MTUS2: variants seen among roughly 807,000 people sequenced by gnomAD.
MTUS2 encodes microtubule-associated tumor suppressor candidate 2.
Under a neutral mutation model 114.1 loss-of-function variants are expected in MTUS2, and 40 were observed. That is an observed-to-expected ratio of 0.35 (90% CI 0.27 to 0.46). MTUS2 has a LOEUF of 0.46. Among genes scored for constraint, MTUS2 ranks in the 20% least tolerant of loss-of-function variants. MTUS2 has a pLI of 1.00. For synonymous variants in MTUS2, 688 were observed against 672.0 expected (o/e 1.02, Z -0.37); for missense variants, 1,679 against 1,705.4 (o/e 0.98, Z 0.27).
At chr13:29,060,777 C>T in intron 4 of MTUS2, among the ~76,000 whole-genome samples, 1 of 149,932 alleles carries the variant, frequency 6.7e-6, no homozygotes, top group South Asian at 2.1e-4. Flanking sequence ...TATCCCCTTT[C>T]ACTCCTTTCA....
chr13:29,268,646 C>T (rs1018459083), intron 5 of MTUS2, among the ~76,000 whole-genome samples: 4 of 152,156 alleles, frequency 2.6e-5, no homozygotes, highest in Non-Finnish European at 5.9e-5. Context: ...GTCACAACAT[C>T]TACCCCACAC....
chr13:29,422,696 C>T (rs1279213080), intron 8 of MTUS2, among the ~76,000 whole-genome samples: 2 of 99,898 alleles, frequency 2.0e-5, no homozygotes, highest in African/African-American at 7.8e-5. Flanking sequence ...GGCCCTGTTT[C>T]TCTGTTGCCT....
At chr13:29,035,008 A>T (rs1005252466) in intron 4 of MTUS2, among the ~76,000 whole-genome samples, 1 of 152,268 alleles carries the variant, frequency 6.6e-6, no homozygotes, top group South Asian at 2.1e-4. Context: ...GCAACAGTCA[A>T]GGTTTTAAGA....
intron 2 of MTUS2, among the ~76,000 whole-genome samples, chr13:28,979,521 GT>G (rs906486562): frequency 2.6e-5 from 4 of 151,628 alleles, no homozygotes; most frequent in East Asian, 1.9e-4. Flanking sequence ...ACAACCCTTT[GT>G]TTTTTTTCTA....
At chr13:29,136,403 T>A (rs1279296113) in intron 5 of MTUS2, among the ~76,000 whole-genome samples, 3 of 152,202 alleles carry the variant, frequency 2.0e-5, no homozygotes, top group Non-Finnish European at 4.4e-5. Context: ...AGATGACAAG[T>A]GGCTGGTGGC....
intron 5 of MTUS2, among the ~76,000 whole-genome samples, chr13:29,132,983 CA>C (rs1395369435): frequency 6.6e-6 from 1 of 151,178 alleles, no homozygotes; most frequent in Non-Finnish European, 1.5e-5. Flanking sequence ...CACAAGTGCA[CA>C]AGGGTTCCAG....
intron 2 of MTUS2, among the ~76,000 whole-genome samples, chr13:28,977,713 G>C (rs1478823387): frequency 6.6e-6 from 1 of 152,040 alleles, no homozygotes; most frequent in Non-Finnish European, 1.5e-5. Flanking sequence ...CTTCACTGGG[G>C]TGAAGACAGA....
intron 2 of MTUS2, among the ~76,000 whole-genome samples, chr13:28,877,317 CAAAA>C (rs59056880): frequency 8.8e-6 from 1 of 113,564 alleles, no homozygotes; most frequent in African/African-American, 3.1e-5. Context: ...GACTCCATCT[CAAAA>C]AAAAAAAAAA....
intron 7 of MTUS2, among the ~76,000 whole-genome samples, chr13:29,335,082 C>T (rs112174211): frequency 0.075 from 11,478 of 152,174 alleles, 1,374 homozygotes; most frequent in African/African-American, 0.25. Context: ...GCCTGTGGGC[C>T]AGGCGGAACA....
chr13:29,225,959 A>T (rs1020884018), intron 5 of MTUS2, among the ~76,000 whole-genome samples: 5 of 152,238 alleles, frequency 3.3e-5, no homozygotes, highest in African/African-American at 1.2e-4. Context: ...TTATAGAACA[A>T]CAATGGTAAT....
chr13:29,347,975 T>A (rs1868874645), intron 7 of MTUS2, among the ~76,000 whole-genome samples: 1 of 91,992 alleles, frequency 1.1e-5, no homozygotes, highest in African/African-American at 2.7e-5. Flanking sequence ...TGCAGGAGCT[T>A]GTGTCCCCAC....
rs547001312 is a variant in MTUS2, at chr13:29,069,460, C to T, written c.2447-31313C>T. On this transcript the variant is annotated intron_variant, in intron 4 of 15. Transcript: ENST00000612955. ...GTCAACAAATTGGATGGTACCCACC[C>T]ACATTGGGGAAGGCCATCTGCTTTC... Among the ~76,000 whole-genome samples, 3 of 152,318 alleles carry T rather than the reference C, an allele frequency of 2.0e-5. No individual in the cohort carries two copies. The East Asian group carries it at 5.8e-4, about 29-fold the overall frequency.
chr13:29,193,435 C>A (rs576121033), intron 5 of MTUS2, among the ~76,000 whole-genome samples: 1 of 152,216 alleles, frequency 6.6e-6, no homozygotes, highest in East Asian at 1.9e-4. Flanking sequence ...AAATCACAGG[C>A]ATTCTTATAC....
At chr13:29,145,389 G>A (rs1304539800) in intron 5 of MTUS2, among the ~76,000 whole-genome samples, 7 of 151,932 alleles carry the variant, frequency 4.6e-5, no homozygotes, top group African/African-American at 9.7e-5. Flanking sequence ...GCATGTTGGT[G>A]GGCACCTGTA....
At chr13:29,073,103 G>A (rs1044836470) in intron 4 of MTUS2, among the ~76,000 whole-genome samples, 2 of 152,074 alleles carry the variant, frequency 1.3e-5, no homozygotes, top group Non-Finnish European at 2.9e-5. Flanking sequence ...AGATATTTGT[G>A]AATGTCTGGG....
chr13:29,373,730 C>T (rs1336046112), intron 8 of MTUS2, among the ~76,000 whole-genome samples: 1 of 152,198 alleles, frequency 6.6e-6, no homozygotes, highest in Non-Finnish European at 1.5e-5. Context: ...CTGAACTCTA[C>T]CTCACTGACT....
intron 5 of MTUS2, among the ~76,000 whole-genome samples, chr13:29,184,578 C>G (rs894584296): frequency 1.3e-5 from 2 of 152,162 alleles, no homozygotes; most frequent in Non-Finnish European, 2.9e-5. Context: ...CATGCACTAA[C>G]TACACACAGA....
At chr13:29,395,216 G>A (rs781237295) in intron 8 of MTUS2, among the ~76,000 whole-genome samples, 1 of 152,122 alleles carries the variant, frequency 6.6e-6, no homozygotes, top group Non-Finnish European at 1.5e-5. Context: ...GTTAATGCTG[G>A]TCAGTTGTGC....
In MTUS2 at chr13:29,244,303, G is replaced by C. The variant is rs568016584; in HGVS notation, c.2645-37401G>C. On this transcript the variant is annotated intron_variant, in intron 5 of 15. Coordinates refer to ENST00000612955, the MANE Select transcript of MTUS2 (RefSeq NM_001033602.4). ...TTTCCTCCAGCAGTATGGGTGCAGAGAGGGAGACTTACAGTCATGATCGAG... is the reference window on the plus strand; with the variant it reads ...TTTCCTCCAGCAGTATGGGTGCAGACAGGGAGACTTACAGTCATGATCGAG... 4.6e-5 allele frequency among the ~76,000 whole-genome samples: 7 copies of C among 152,294 alleles called. 1 individual carries two copies. Among genetic ancestry groups the C allele is most frequent in the African/African-American group, 1.7e-4 (7 of 41,570 alleles).
Sources: gnomAD v4.1 joint callset for allele counts (sites outside exome capture counted in the v4.1 genomes callset) on GRCh38, gnomAD v4.1.1 for gene constraint, MANE v1.5 for transcripts, NCBI Gene and HGNC (gene_info 2026-07-23, HGNC 2026-07-21) for gene names.